MEAF6: variants seen among roughly 807,000 people sequenced by gnomAD.
MEAF6 encodes the protein chromatin modification-related protein MEAF6.
Under a neutral mutation model 28.9 loss-of-function variants are expected in MEAF6, and 15 were observed. That is an observed-to-expected ratio of 0.52 (90% confidence interval 0.35 to 0.80). The LOEUF (loss-of-function observed/expected upper bound fraction) is 0.80, where lower values mean the gene tolerates loss of function less well. Ranked by LOEUF, MEAF6 falls within the 30% of genes least tolerant of loss-of-function variation. The pLI is 0.01. For missense variants in MEAF6, 178 were observed against 237.5 expected, an observed-to-expected ratio of 0.75 and a Z score of 1.65; for synonymous variants, 97 against 88.7, an observed-to-expected ratio of 1.09 and a Z score of -0.53.
chr1:37,503,269 G>A (rs1213318866), intron 4 of MEAF6, among the ~76,000 whole-genome samples: 1 of 152,184 alleles, frequency 6.6e-6, no homozygotes, highest in Non-Finnish European at 1.5e-5. Flanking sequence ...ATAATCTTCA[G>A]CTGACACATA....
rs200639594 is a variant in MEAF6 at position 37,500,308 on chromosome 1, T to TA, written c.533+1495dup. Among the ~76,000 whole-genome samples the TA allele has an allele frequency of 9.7e-3, 1,463 of 150,458 alleles. 19 individuals carry two copies. Among genetic ancestry groups the TA allele is most frequent in the African/African-American group, 0.033 (1,368 of 41,040 alleles). On this transcript the variant is annotated intron_variant, in intron 5 of 6. Transcript: ENST00000296214. ...AGACTGTCTGAAAAAAATAAAAAATTAAAAAAAAATGACACTGGAGTAAAT... is the reference window on the plus strand; with the variant it reads ...AGACTGTCTGAAAAAAATAAAAAATTAAAAAAAAAATGACACTGGAGTAAAT...
Position 37,490,428 on chromosome 1 carries a change from CTA to C in MEAF6, c.*3669_*3670del, listed in dbSNP as rs1641890617. On this transcript the variant is annotated 3_prime_UTR_variant, in exon 7 of 7. Coordinates refer to ENST00000296214, the MANE Select transcript of MEAF6 (RefSeq NM_001270875.3). ...GACACACACATCACCTTCCTAGGCA[CTA>C]TGACACTATCCTGGGAGAAGCAAAT... 6.6e-6 allele frequency among the ~76,000 whole-genome samples: 1 copy of C among 152,158 alleles called. No homozygotes were observed. Among genetic ancestry groups the C allele is most frequent in the African/African-American group, 2.4e-5 (1 of 41,436 alleles).
chr1:37,495,794 G>A (rs946065473), intron 6 of MEAF6, 91 bp downstream of exon 6: 5 of 1,279,144 alleles, frequency 3.9e-6, no homozygotes, highest in Admixed American at 3.4e-5. Context: ...ATGACTCCAG[G>A]TTAGGAACAC....
intron 5 of MEAF6, among the ~76,000 whole-genome samples, chr1:37,498,472 G>C (rs1017367568): frequency 1.3e-5 from 2 of 150,956 alleles, no homozygotes; most frequent in African/African-American, 2.4e-5. Flanking sequence ...GTCTTCCTCT[G>C]TCACCCAGGA....
In MEAF6 at chr1:37,494,103, T is replaced by A. The variant is rs1642032534; in HGVS notation, c.572A>T (p.Tyr191Phe). Residue 191 changes from tyrosine (Y) to phenylalanine (F), a missense_variant, in exon 7 of 7, where the codon TAT (tyrosine) becomes TTT (phenylalanine). By Grantham distance (22) the Tyr-to-Phe change is conservative. Around this residue, in one of 2 missense-constraint regions of MEAF6, gnomAD observed 124 missense variants for 200.5 expected, o/e 0.62. Transcript: ENST00000296214. ...LKLNKKPRAD[Y>F] The stretch of plus-strand genomic sequence containing the variant: ...GCTTCTGCACTAATGTGTCTTCTAA[T>A]AGTCCTAAAGAAAGAAAAACAAAAG... The A allele has an allele frequency of 6.2e-7, 1 of 1,612,984 alleles. No individual in the cohort carries two copies. Among genetic ancestry groups the A allele is most frequent in the African/African-American group, 1.3e-5 (1 of 74,906 alleles).
At position 37,496,485 on chromosome 1, in the gene MEAF6, A is replaced by C; in HGVS notation, c.534-567T>G. On this transcript the variant is annotated intron_variant, in intron 5 of 6. Transcript: ENST00000296214. ...AGTAAAGGTTATCTATTTTAAAAGA[A>C]ATTAAAATGCATAAAAGTGAAGTTT... 2 of 870,484 alleles carry C rather than the reference A, an allele frequency of 2.3e-6. 1 individual carries two copies. The highest frequency in any genetic ancestry group is 6.4e-5 in the South Asian group (2 of 31,144). The allele number at this position is 870,484 out of a possible 1,614,324, so 53.9% of individuals were successfully genotyped here. A position where few individuals can be genotyped will look rare whatever the true frequency, so the allele number is the denominator to read the frequency against.
chr1:37,513,775 C>T (rs919058688), intron 1 of MEAF6: 1 of 568,442 alleles, frequency 1.8e-6, no homozygotes, highest in Non-Finnish European at 3.1e-6. Context: ...TACACACACA[C>T]GCGAAATTTT....
At chr1:37,502,476 CA>C (rs112642575) in intron 4 of MEAF6, among the ~76,000 whole-genome samples, 86 of 145,394 alleles carry the variant, frequency 5.9e-4, no homozygotes, top group African/African-American at 1.8e-3. Flanking sequence ...AGTGACTGTA[CA>C]AAAAAAAAGG....
chr1:37,493,938 T>C lies in MEAF6; in HGVS notation c.*161A>G. 6.3e-7 allele frequency: 1 copy of C among 1,576,820 alleles called. No individual in the cohort carries two copies. Among genetic ancestry groups the C allele is most frequent in the South Asian group, 1.2e-5 (1 of 85,808 alleles). On this transcript the variant is annotated 3_prime_UTR_variant, in exon 7 of 7. Coordinates refer to ENST00000296214, the MANE Select transcript of MEAF6 (RefSeq NM_001270875.3). ...CCAATGTCTTACAGAAATGACTTGT[T>C]TGTCACCACATTTAGAACAAACTAC...
In MEAF6 at chr1:37,490,360, G is replaced by C. The variant is rs767652634; in HGVS notation, c.*3739C>G. ...GGTAATGCTCATTTAGACTGACACA[G>C]GTATGAAAATTCCAATCCCTTCTTT... On this transcript the variant is annotated 3_prime_UTR_variant, in exon 7 of 7. Coordinates refer to ENST00000296214, the MANE Select transcript of MEAF6 (RefSeq NM_001270875.3). Among the ~76,000 whole-genome samples the C allele has an allele frequency of 1.3e-5, 2 of 152,054 alleles. No individual in the cohort carries two copies. The highest frequency in any genetic ancestry group is 2.9e-5 in the Non-Finnish European group (2 of 68,016).
At chr1:37,505,731 G>T (rs973920747) in intron 4 of MEAF6, among the ~76,000 whole-genome samples, 3 of 152,158 alleles carry the variant, frequency 2.0e-5, no homozygotes, top group Non-Finnish European at 4.4e-5. Flanking sequence ...TGTGGTACTG[G>T]TATCAACGTA....
At chr1:37,513,622 AC>A in intron 1 of MEAF6, 84 bp from the exon 2 acceptor site, 2 of 1,112,414 alleles carry the variant, frequency 1.8e-6, no homozygotes, top group Admixed American at 3.4e-5. Context: ...CTGATATTAG[AC>A]TCGTAAACGC....
intron 5 of MEAF6, among the ~76,000 whole-genome samples, chr1:37,500,465 T>C (rs1642264061): frequency 6.6e-6 from 1 of 152,200 alleles, no homozygotes; most frequent in Non-Finnish European, 1.5e-5. Context: ...ACCTATAGCC[T>C]TTCAAAAATA....
chr1:37,507,579 T>C (rs1480977318), intron 4 of MEAF6, among the ~76,000 whole-genome samples: 1 of 151,492 alleles, frequency 6.6e-6, no homozygotes, highest in African/African-American at 2.4e-5. Context: ...AAGGGAGAAG[T>C]GAAGTACCAT....
intron 1 of MEAF6, chr1:37,514,305 A>G (rs1189059700): frequency 1.7e-5 from 2 of 119,662 alleles, no homozygotes; most frequent in Non-Finnish European, 3.4e-5. Context: ...CCTCCCCGCA[A>G]AGATCACGGA....
intron 1 of MEAF6, 145 bp from the exon 2 acceptor site, chr1:37,513,683 G>A (rs2148094553): frequency 2.9e-6 from 2 of 681,390 alleles, no homozygotes; most frequent in Admixed American, 2.2e-5. Context: ...GATACGGGGA[G>A]GAGGAGCCGT....
At chr1:37,500,729 C>A (rs1360388684) in intron 5 of MEAF6, among the ~76,000 whole-genome samples, 2 of 152,182 alleles carry the variant, frequency 1.3e-5, no homozygotes, top group African/African-American at 4.8e-5. Context: ...CAGGCACTGT[C>A]ATATCCATGA....
chr1:37,510,543 G>A (rs1422655207), intron 2 of MEAF6, among the ~76,000 whole-genome samples: 1 of 149,808 alleles, frequency 6.7e-6, no homozygotes, highest in African/African-American at 2.5e-5. Context: ...CACCATGCCC[G>A]GCTAATTTTT....
At chr1:37,510,317 A>G (rs1363152755) in intron 2 of MEAF6, among the ~76,000 whole-genome samples, 1 of 145,094 alleles carries the variant, frequency 6.9e-6, no homozygotes, top group Non-Finnish European at 1.5e-5. Context: ...TCCTGACCTC[A>G]TGATCTGCCC....
Sources: gnomAD v4.1 joint callset for allele counts (sites outside exome capture counted in the v4.1 genomes callset) on GRCh38, gnomAD v4.1.1 for gene constraint, gnomAD v4.1.1 regional missense constraint, MANE v1.5 for transcripts, NCBI Gene and HGNC (gene_info 2026-07-23, HGNC 2026-07-21) for gene names.